Variants in DTNB observed in about 807,000 individuals in gnomAD.
The protein encoded by DTNB is DTN-B.
A neutral mutation model predicts 90.7 loss-of-function variants in DTNB; 63 were observed. The ratio of observed to expected loss-of-function variants is 0.69; its 90% CI spans 0.57 to 0.86. The LOEUF is 0.86. DTNB is among the 40% of genes least tolerant of loss of function. The probability of loss-of-function intolerance (pLI) is 0.00; values close to 1 mark genes in which losing one functional copy is unlikely to be tolerated. For missense variants in DTNB, 744 were observed against 807.1 expected (o/e 0.92, Z 0.95); for synonymous variants, 277 against 286.7 (o/e 0.97, Z 0.34).
intron 12 of DTNB, among the ~76,000 whole-genome samples, chr2:25,447,159 T>A (rs570739436): frequency 3.9e-5 from 6 of 152,356 alleles, no homozygotes; most frequent in Admixed American, 3.9e-4. Context: ...CATAGCTATT[T>A]TATAGCCAAT....
chr2:25,427,420 C>T, intron 15 of DTNB, 115 bp downstream of exon 15: 1 of 958,958 alleles, frequency 1.0e-6, no homozygotes. Context: ...AAAACTGATT[C>T]TAGGCTAAAG....
At chr2:25,607,425 G>A in intron 4 of DTNB, 104 bp from the exon 5 acceptor site, 1 of 1,065,200 alleles carries the variant, frequency 9.4e-7, no homozygotes, top group Non-Finnish European at 1.3e-6. Flanking sequence ...TCCTGACCTT[G>A]TCTGTTACAA....
rs1306458752 is a variant in DTNB at position 25,508,503 on chromosome 2, G to GTT, written c.1001+22968_1001+22969dup. On this transcript the variant is annotated intron_variant, in intron 9 of 20. Transcript: ENST00000406818. ...GGCTTTTAACATTTCTTTTTTGTTT[G>GTT]TTTTTTTTTTTTTGAGATGGAGTTT... is the stretch of plus-strand genomic sequence containing the variant. 1.9e-4 allele frequency among the ~76,000 whole-genome samples: 23 copies of GTT among 124,322 alleles called. 1 individual carries two copies. The highest frequency in any genetic ancestry group is 6.3e-4 in the African/African-American group (20 of 31,866). The allele number at this position is 124,322 out of a possible 152,430, so 81.6% of individuals were successfully genotyped here. A position where few individuals can be genotyped will look rare whatever the true frequency, so the allele number is the denominator to read the frequency against.
At chr2:25,415,110 C>T (rs1227390460) in intron 16 of DTNB, among the ~76,000 whole-genome samples, 2 of 152,188 alleles carry the variant, frequency 1.3e-5, no homozygotes, top group African/African-American at 4.8e-5. Context: ...GGCAGAATCA[C>T]AGCACCCAAG....
chr2:25,449,768 C>CTT lies in DTNB; in HGVS notation c.1257+1778_1257+1779dup, dbSNP rs35325641. On this transcript the variant is annotated intron_variant, in intron 12 of 20. Transcript: ENST00000406818. ...TAGTGGTTTGTCTGTTTTTCTTTTT[C>CTT]TTTTTTTTTTTTTTGACAGAGTCTC... Among the ~76,000 whole-genome samples, 1,178 of 139,574 alleles carry CTT rather than the reference C, an allele frequency of 8.4e-3. 17 individuals carry two copies. Among genetic ancestry groups the CTT allele is most frequent in the African/African-American group, 0.018 (663 of 37,678 alleles). 91.6% of individuals were successfully genotyped at this position (139,574 alleles called of 152,430 possible). A position where few individuals can be genotyped will look rare whatever the true frequency, so the allele number is the denominator to read the frequency against.
chr2:25,644,463 A>T (rs2079017196), intron 2 of DTNB, among the ~76,000 whole-genome samples: 1 of 152,252 alleles, frequency 6.6e-6, no homozygotes, highest in Admixed American at 6.5e-5. Flanking sequence ...TTTATGATTG[A>T]AAAAATTTTT....
chr2:25,421,625 C>T (rs549207489), intron 15 of DTNB, among the ~76,000 whole-genome samples: 1 of 152,226 alleles, frequency 6.6e-6, no homozygotes, highest in African/African-American at 2.4e-5. Flanking sequence ...GTGGAAAGTG[C>T]GATGGTTGGG....
chr2:25,596,081 C>A lies in DTNB; in HGVS notation c.603+5G>T, dbSNP rs1268285789. On this transcript the variant is annotated splice_donor_5th_base_variant and intron_variant, in intron 6 of 20. Coordinates refer to ENST00000406818, the MANE Select transcript of DTNB (RefSeq NM_021907.5). The stretch of plus-strand genomic sequence containing the variant: ...TAGCCCTAGATTCTATAAAACTGTC[C>A]TTACCTGCTGTGGAAAACAGGTGCG... 1.9e-6 allele frequency: 3 copies of A among 1,598,690 alleles called. No homozygotes were observed. In the Admixed American group the frequency reaches 5.3e-5, roughly 28 times the overall value.
intron 8 of DTNB, among the ~76,000 whole-genome samples, chr2:25,539,019 G>A (rs917522965): frequency 2.6e-5 from 4 of 152,082 alleles, no homozygotes; most frequent in East Asian, 1.9e-4. Flanking sequence ...AGTCTTCTGC[G>A]ACTTGCTTCT....
intron 9 of DTNB, among the ~76,000 whole-genome samples, chr2:25,530,986 T>C (rs530165814): frequency 6.6e-6 from 1 of 152,352 alleles, no homozygotes; most frequent in African/African-American, 2.4e-5. Flanking sequence ...ACTAAATACA[T>C]ATAAATAAAT....
At chr2:25,522,505 G>A (rs2076333651) in intron 9 of DTNB, among the ~76,000 whole-genome samples, 1 of 152,154 alleles carries the variant, frequency 6.6e-6, no homozygotes, top group Admixed American at 6.5e-5. Flanking sequence ...GAATTCGGCG[G>A]AGAACAAGAT....
At chr2:25,608,622 T>C (rs1405837000) in intron 4 of DTNB, among the ~76,000 whole-genome samples, 6 of 152,190 alleles carry the variant, frequency 3.9e-5, no homozygotes, top group African/African-American at 1.2e-4. Context: ...GGTTATAAGA[T>C]AGATCATTAG....
At position 25,634,616 on chromosome 2, in the gene DTNB, G is replaced by A. The variant is rs1486363146; in HGVS notation, c.148+4398C>T. 2.6e-5 allele frequency among the ~76,000 whole-genome samples: 3 copies of A among 116,796 alleles called. 1 individual carries two copies. The highest frequency in any genetic ancestry group is 8.0e-5 in the African/African-American group (3 of 37,612). The allele number at this position is 116,796 out of a possible 152,430, so 76.6% of individuals were successfully genotyped here. ...AATGGCGGTTTTGTGGAATAGAAAG[G>A]GGGGAAAGGTGGGGAAAAGATTGAG... On this transcript the variant is annotated intron_variant, in intron 3 of 20. Transcript: ENST00000406818.
At chr2:25,487,478 G>C (rs533675744) in intron 9 of DTNB, among the ~76,000 whole-genome samples, 1 of 152,202 alleles carries the variant, frequency 6.6e-6, no homozygotes, top group Non-Finnish European at 1.5e-5. Flanking sequence ...TTTATTTCAG[G>C]GACTTGAGCA....
At chr2:25,598,090 T>C (rs1250138773) in intron 5 of DTNB, among the ~76,000 whole-genome samples, 2 of 152,216 alleles carry the variant, frequency 1.3e-5, no homozygotes, top group African/African-American at 4.8e-5. Flanking sequence ...GTCATGTGAC[T>C]AACTTCTAGC....
chr2:25,583,420 G>A (rs539802043), intron 6 of DTNB, among the ~76,000 whole-genome samples: 1 of 151,690 alleles, frequency 6.6e-6, no homozygotes, highest in African/African-American at 2.4e-5. Context: ...TCTATAGCTT[G>A]TGTTAAAAAT....
intron 16 of DTNB, among the ~76,000 whole-genome samples, chr2:25,408,587 T>C (rs2045867923): frequency 6.7e-6 from 1 of 148,320 alleles, no homozygotes; most frequent in African/African-American, 2.5e-5. Flanking sequence ...TGCAGTTAAC[T>C]TCATTGCCTA....
rs551308485 is a variant in DTNB, at chr2:25,638,554, A to G, written c.148+460T>C. ...TATACACACACAGACATACATATAC[A>G]TATATACAGACACACACACACTTTA... On this transcript the variant is annotated intron_variant, in intron 3 of 20. Coordinates refer to ENST00000406818, the MANE Select transcript of DTNB (RefSeq NM_021907.5). 2.0e-5 allele frequency among the ~76,000 whole-genome samples: 3 copies of G among 152,366 alleles called. No homozygotes were observed. In the East Asian group the frequency reaches 5.8e-4, roughly 29 times the overall value.
Position 25,660,336 on chromosome 2 carries a change from GTATTA to G in DTNB, c.-1-7680_-1-7676del, listed in dbSNP as rs567488088. Reference sequence around the variant, plus strand: ...AAAGAAGCCAGTCATAGAAGACCATGTATTATATGATTCCAGTTCTATGAAATGTC... The same window carrying G: ...AAAGAAGCCAGTCATAGAAGACCATGTATGATTCCAGTTCTATGAAATGTC... On this transcript the variant is annotated intron_variant, in intron 1 of 20. Coordinates refer to ENST00000406818, the MANE Select transcript of DTNB (RefSeq NM_021907.5). Among the ~76,000 whole-genome samples, 977 of 152,316 alleles carry G rather than the reference GTATTA, an allele frequency of 6.4e-3. 4 individuals carry two copies. The highest frequency in any genetic ancestry group is 0.011 in the Non-Finnish European group (734 of 68,020).
Sources: allele counts gnomAD v4.1 joint callset (sites outside exome capture counted in the v4.1 genomes callset), GRCh38; gene constraint gnomAD v4.1.1; transcripts MANE v1.5; gene names NCBI Gene and HGNC (gene_info 2026-07-23, HGNC 2026-07-21).